UROC1: variants seen among roughly 807,000 people sequenced by gnomAD.
The protein encoded by UROC1 is urocanate hydratase 1, also known as urocanate hydratase.
In UROC1, 79 loss-of-function variants were observed where a neutral mutation model predicts 89.5. That is an observed-to-expected ratio of 0.88 (90% CI 0.74 to 1.06). The LOEUF is 1.06. Ranked by LOEUF, UROC1 falls within the 50% of genes least tolerant of loss-of-function variation. UROC1 has a pLI of 0.00. For synonymous variants in UROC1, 361 were observed against 354.8 expected, an observed-to-expected ratio of 1.02 and a Z score of -0.20; for missense variants, 885 against 907.8, an observed-to-expected ratio of 0.97 and a Z score of 0.32.
At chr3:126,484,587 C>T (rs143367572) in intron 18 of UROC1, among the ~76,000 whole-genome samples, 2 of 152,328 alleles carry the variant, frequency 1.3e-5, no homozygotes, top group African/African-American at 4.8e-5. Context: ...ATCCTACTGA[C>T]CACAACCTCA....
At position 126,489,369 on chromosome 3, in the gene UROC1, C is replaced by G. The variant is rs767207719; in HGVS notation, c.1615G>C (p.Val539Leu). 15 of 1,611,876 alleles carry G rather than the reference C, an allele frequency of 9.3e-6. No homozygotes were observed. The highest frequency in any genetic ancestry group is 1.3e-5 in the Non-Finnish European group (15 of 1,179,920). Reference protein sequence around the residue: ...AIACRRIKAPVVLSRDHHDVS... With the variant: ...AIACRRIKAPLVLSRDHHDVS... Reference sequence around the variant, plus strand: ...TCATGGTGATCTCGGCTCAGGACCACCGGCGCCTGTGCATGGAAGGACAGA... The same window carrying G: ...TCATGGTGATCTCGGCTCAGGACCAGCGGCGCCTGTGCATGGAAGGACAGA... The change falls in exon 17 of 20, where the codon GTG becomes CTG. Residue 539 changes from valine to leucine, a missense_variant. Val to Leu is a conservative substitution (Grantham distance 32, BLOSUM62 1). Transcript: ENST00000290868.
chr3:126,501,829 G>C, intron 9 of UROC1: 2 of 1,599,468 alleles, frequency 1.3e-6, no homozygotes, highest in Non-Finnish European at 1.7e-6. Flanking sequence ...GCCCGAGGGA[G>C]CCAGGCACCT....
At chr3:126,508,382 AG>A in intron 4 of UROC1, 33 bp downstream of exon 4, 1 of 1,608,412 alleles carries the variant, frequency 6.2e-7, no homozygotes, top group Non-Finnish European at 8.5e-7. Flanking sequence ...AGGAAAGGCC[AG>A]GGGTGGGGAC....
In UROC1 at chr3:126,482,180, T is replaced by G; in HGVS notation, c.*165A>C. ...TCTCTGGGCCTCAGGGGGCTGTCTGTAAAATGAGGCTGTGGTGGCACCCTG... is the reference window on the plus strand; with the variant it reads ...TCTCTGGGCCTCAGGGGGCTGTCTGGAAAATGAGGCTGTGGTGGCACCCTG... On this transcript the variant is annotated 3_prime_UTR_variant, in exon 20 of 20. Coordinates refer to ENST00000290868, the MANE Select transcript of UROC1 (RefSeq NM_144639.3). The G allele has an allele frequency of 1.0e-6, 1 of 980,982 alleles. No homozygotes were observed. The allele number at this position is 980,982 out of a possible 1,614,324, so 60.8% of individuals were successfully genotyped here. A position where few individuals can be genotyped will look rare whatever the true frequency, so the allele number is the denominator to read the frequency against.
chr3:126,482,009 G>A lies in UROC1; in HGVS notation c.*336C>T. The stretch of plus-strand genomic sequence containing the variant: ...GAGGCTGGCAGGTGGCCAGGAAGCA[G>A]AGGGTGTGATCATCCCAGCCGGAGA... On this transcript the variant is annotated 3_prime_UTR_variant, in exon 20 of 20. Transcript: ENST00000290868. 2 of 349,842 alleles carry A rather than the reference G, an allele frequency of 5.7e-6. No homozygotes were observed. The highest frequency in any genetic ancestry group is 6.4e-5 in the East Asian group (1 of 15,636). The allele number at this position is 349,842 out of a possible 1,614,324, so 21.7% of individuals were successfully genotyped here.
chr3:126,493,362 G>A (rs1184906446), intron 15 of UROC1, among the ~76,000 whole-genome samples: 2 of 152,194 alleles, frequency 1.3e-5, no homozygotes, highest in Non-Finnish European at 2.9e-5. Flanking sequence ...AGGTGGAGGC[G>A]ACCTGGGTAT....
At position 126,492,429 on chromosome 3, in the gene UROC1, T is replaced by C; in HGVS notation, c.1597A>G (p.Arg533Gly). 6.2e-7 allele frequency: 1 copy of C among 1,613,586 alleles called. No homozygotes were observed. Among genetic ancestry groups the C allele is most frequent in the South Asian group, 1.1e-5 (1 of 90,988 alleles). ...AVAINQAIACRRIKAPVVLSR... is the reference protein window; with the variant it reads ...AVAINQAIACGRIKAPVVLSR... ...ACAGGACACCTCACCTTGATCCTCC[T>C]GCAGGCGATGGCCTGGTTAATGGCC... Residue 533 changes from arginine (R) to glycine (G), a missense_variant, in exon 16 of 20, where the codon AGG becomes GGG. Coordinates refer to ENST00000290868, the MANE Select transcript of UROC1 (RefSeq NM_144639.3).
Position 126,505,860 on chromosome 3 carries a change from G to C in UROC1, c.670-16C>G. On this transcript the variant is annotated splice_polypyrimidine_tract_variant and intron_variant, in intron 7 of 19. Transcript: ENST00000290868. Reference sequence around the variant, plus strand: ...ACACGGTGAGCTGCAGGGAGAAGAGGTGGGGGCTCACTGCCCACTCCCAGC... The same window carrying C: ...ACACGGTGAGCTGCAGGGAGAAGAGCTGGGGGCTCACTGCCCACTCCCAGC... The C allele has an allele frequency of 6.2e-7, 1 of 1,613,256 alleles. No homozygotes were observed. Among genetic ancestry groups the C allele is most frequent in the Admixed American group, 1.7e-5 (1 of 60,022 alleles).
chr3:126,505,959 C>T lies in UROC1; in HGVS notation c.655G>A (p.Val219Ile), dbSNP rs377594542. The T allele has an allele frequency of 2.7e-4, 436 of 1,600,106 alleles. 3 individuals are homozygous for T. In the Middle Eastern group the frequency reaches 6.7e-3, roughly 24 times the overall value. Reference sequence around the variant, plus strand: ...CCATCTCTCACCACAGTGCCATGAACGATTCCCTGGGGACCGATGTAGCAG... The same window carrying T: ...CCATCTCTCACCACAGTGCCATGAATGATTCCCTGGGGACCGATGTAGCAG... Reference protein sequence around the residue: ...SYCYIGPQGIVHGTVLTVLNA... With the variant: ...SYCYIGPQGIIHGTVLTVLNA... Residue 219 changes from valine to isoleucine, a missense_variant, in exon 7 of 20, where the codon GTT becomes ATT. By Grantham distance (29) the Val-to-Ile change is conservative. Transcript: ENST00000290868.
At chr3:126,487,975 A>G (rs1307921619) in intron 18 of UROC1, among the ~76,000 whole-genome samples, 1 of 152,214 alleles carries the variant, frequency 6.6e-6, no homozygotes, top group Non-Finnish European at 1.5e-5. Context: ...CCCATGTGGC[A>G]GGGGAGACCC....
chr3:126,510,853 G>T, intron 1 of UROC1, 59 bp from the exon 2 acceptor site: 1 of 1,591,340 alleles, frequency 6.3e-7, no homozygotes, highest in Non-Finnish European at 8.5e-7. Flanking sequence ...GTGTTCTGAG[G>T]CCCCGCGATG....
At chr3:126,504,918 A>T (rs1223131978) in intron 8 of UROC1, among the ~76,000 whole-genome samples, 3 of 152,088 alleles carry the variant, frequency 2.0e-5, no homozygotes, top group South Asian at 2.1e-4. Context: ...GTGGGGCCTG[A>T]TGGGGGGTGT....
At position 126,500,066 on chromosome 3, in the gene UROC1, G is replaced by T. The variant is rs753307265; in HGVS notation, c.1234C>A (p.Gln412Lys). 7.4e-6 allele frequency: 12 copies of T among 1,613,070 alleles called. No homozygotes were observed. The highest frequency in any genetic ancestry group is 9.3e-6 in the Non-Finnish European group (11 of 1,179,884). ...DYGNAFLLEAQRAGADVEKKG... is the reference protein window; with the variant it reads ...DYGNAFLLEAKRAGADVEKKG... Reference sequence around the variant, plus strand: ...TCCTCCTTCCTCCTACCTGCTCTCTGGGCCTCCAAGAGGAAGGCATTGCCG... The same window carrying T: ...TCCTCCTTCCTCCTACCTGCTCTCTTGGCCTCCAAGAGGAAGGCATTGCCG... The change falls in exon 12 of 20, where the codon CAG becomes AAG. Residue 412 changes from glutamine to lysine, a missense_variant. By Grantham distance (53) the Gln-to-Lys change is moderately conservative. Coordinates refer to ENST00000290868, the MANE Select transcript of UROC1 (RefSeq NM_144639.3).
In UROC1 at chr3:126,488,189, CCTT is replaced by C. The variant is rs780150496; in HGVS notation, c.1790+6_1790+8del. On this transcript the variant is annotated splice_donor_region_variant and intron_variant, in intron 18 of 19. Coordinates refer to ENST00000290868, the MANE Select transcript of UROC1 (RefSeq NM_144639.3). ...TCAGCCCACACCCTGTCCTCTGAAACCTTCTTACCAGCCCACGCCCCCTCCGTT... is the reference window on the plus strand; with the variant it reads ...TCAGCCCACACCCTGTCCTCTGAAACCTTACCAGCCCACGCCCCCTCCGTT... 6.2e-7 allele frequency: 1 copy of C among 1,614,242 alleles called. No individual in the cohort carries two copies. Among genetic ancestry groups the C allele is most frequent in the South Asian group, 1.1e-5 (1 of 91,088 alleles).
chr3:126,514,579 C>T (rs888121217), intron 1 of UROC1, among the ~76,000 whole-genome samples: 3 of 152,062 alleles, frequency 2.0e-5, no homozygotes, highest in Non-Finnish European at 4.4e-5. Flanking sequence ...AAACACTATG[C>T]AGCCATTCAA....
chr3:126,502,748 G>A (rs1159441477), intron 9 of UROC1, among the ~76,000 whole-genome samples: 2 of 105,846 alleles, frequency 1.9e-5, no homozygotes, highest in African/African-American at 6.6e-5. Context: ...GTGCATGCAT[G>A]TGTATGTTGT....
intron 9 of UROC1, among the ~76,000 whole-genome samples, chr3:126,502,514 ATG>A (rs1019613012): frequency 5.4e-5 from 8 of 147,966 alleles, no homozygotes; most frequent in East Asian, 2.0e-4. Context: ...GTGTGTATGC[ATG>A]TGTGTGTTAT....
At chr3:126,501,685 C>T (rs1411224055) in intron 9 of UROC1, 2 of 1,290,410 alleles carry the variant, frequency 1.5e-6, no homozygotes, top group Admixed American at 2.4e-5. Flanking sequence ...AAAATCAAAG[C>T]ATATTTTGGG....
rs760879046 is a variant in UROC1 at position 126,505,766 on chromosome 3, C to G, written c.748G>C (p.Gly250Arg). The change falls in exon 8 of 20, where the codon GGC becomes CGC. Residue 250 changes from glycine (G) to arginine (R), a missense_variant. By Grantham distance (125) the Gly-to-Arg change is moderately radical (BLOSUM62 -2). Transcript: ENST00000290868. ...AGKVFVTSGL[G>R]GMSGAQAKAA... ...TTGGCCTGAGCCCCACTCATTCCGC[C>G]GAGCCCAGAGGTGACAAAGACCTTC... 2 of 1,613,822 alleles carry G rather than the reference C, an allele frequency of 1.2e-6. No individual in the cohort carries two copies. Among genetic ancestry groups the G allele is most frequent in the Admixed American group, 1.7e-5 (1 of 60,012 alleles).
Sources: gnomAD v4.1 joint callset for allele counts (sites outside exome capture counted in the v4.1 genomes callset) on GRCh38, gnomAD v4.1.1 for gene constraint, MANE v1.5 for transcripts, NCBI Gene and HGNC (gene_info 2026-07-23, HGNC 2026-07-21) for gene names.